HSPA12A: variants seen among roughly 807,000 people sequenced by gnomAD.
The protein encoded by HSPA12A is heat shock 70 kDa protein 12A.
A neutral mutation model predicts 69.2 loss-of-function variants in HSPA12A; 28 were observed. That is an observed-to-expected ratio of 0.40 (90% CI 0.30 to 0.55). The LOEUF (loss-of-function observed/expected upper bound fraction) is 0.55, where lower values mean the gene tolerates loss of function less well. HSPA12A is among the 20% of genes least tolerant of loss of function. HSPA12A has a pLI of 0.38. For missense variants in HSPA12A, 686 were observed against 900.7 expected, an observed-to-expected ratio of 0.76 and a Z score of 3.05; for synonymous variants, 345 against 370.5, an observed-to-expected ratio of 0.93 and a Z score of 0.79.
chr10:116,837,028 A>G (rs1336473752), intron 1 of HSPA12A, among the ~76,000 whole-genome samples: 3 of 151,994 alleles, frequency 2.0e-5, no homozygotes, highest in Non-Finnish European at 4.4e-5. Context: ...TGATGCCTTA[A>G]TTGTTTAGGA....
rs115915529 is a variant in HSPA12A, at chr10:116,768,208, T to G, written c.92-60923A>C. Among the ~76,000 whole-genome samples the G allele has an allele frequency of 9.8e-4, 149 of 152,342 alleles. 1 individual carries two copies. In the East Asian group the frequency reaches 0.023, roughly 23 times the overall value. On this transcript the variant is annotated intron_variant, in intron 2 of 12. Coordinates refer to the HSPA12A transcript ENST00000635765. ...GTACTGATATATGCTACGACATGAATGAACCTTGAAAACATTACGCTAAGT... is the reference window on the plus strand; with the variant it reads ...GTACTGATATATGCTACGACATGAAGGAACCTTGAAAACATTACGCTAAGT...
chr10:116,843,898 T>C (rs1422040071), intron 1 of HSPA12A, among the ~76,000 whole-genome samples: 1 of 152,224 alleles, frequency 6.6e-6, no homozygotes, highest in Non-Finnish European at 1.5e-5. Flanking sequence ...TAATTTCTAA[T>C]GGTGCTTAGA....
At chr10:116,807,660 G>A (rs1027826058) in intron 2 of HSPA12A, among the ~76,000 whole-genome samples, 5 of 152,130 alleles carry the variant, frequency 3.3e-5, no homozygotes, top group Admixed American at 1.3e-4. Context: ...GGGTGTCTGC[G>A]CCACTTGGAA....
At chr10:116,778,124 G>C (rs1430802237) in intron 2 of HSPA12A, among the ~76,000 whole-genome samples, 1 of 152,184 alleles carries the variant, frequency 6.6e-6, no homozygotes, top group Non-Finnish European at 1.5e-5. Context: ...ACATCATTGG[G>C]GGGGCCTTGG....
At chr10:116,697,319 C>T (rs1362110980) in intron 5 of HSPA12A, among the ~76,000 whole-genome samples, 3 of 152,152 alleles carry the variant, frequency 2.0e-5, no homozygotes, top group South Asian at 2.1e-4. Flanking sequence ...GGAGGAGACA[C>T]GAGTGGACAG....
chr10:116,724,301 T>A lies in HSPA12A; in HGVS notation c.41-17016A>T, dbSNP rs1397012666. On this transcript the variant is annotated intron_variant, in intron 1 of 11. Coordinates refer to ENST00000369209, the MANE Select transcript of HSPA12A (RefSeq NM_025015.3). Reference sequence around the variant, plus strand: ...CTTTTTTTAAAACTTTATAAAAAAATTTTTAGTTTTTTAAATGTTTCTGAT... The same window carrying A: ...CTTTTTTTAAAACTTTATAAAAAAAATTTTAGTTTTTTAAATGTTTCTGAT... Among the ~76,000 whole-genome samples, 9 of 152,284 alleles carry A rather than the reference T, an allele frequency of 5.9e-5. No homozygotes were observed. In the East Asian group the frequency reaches 9.7e-4, roughly 16 times the overall value.
At chr10:116,789,144 G>C (rs1844645269) in intron 2 of HSPA12A, among the ~76,000 whole-genome samples, 2 of 152,134 alleles carry the variant, frequency 1.3e-5, no homozygotes, top group African/African-American at 4.8e-5. Flanking sequence ...GGGATTACAG[G>C]TGTGAGCCAC....
chr10:116,750,377 T>C (rs1217695312), intron 2 of HSPA12A: 1 of 720,058 alleles, frequency 1.4e-6, no homozygotes, highest in South Asian at 1.4e-5. Context: ...CAATAAAGTC[T>C]TGGGGGGCCT....
rs543256189 is a variant in HSPA12A, at chr10:116,808,495, G to C, written c.91+26440C>G. Among the ~76,000 whole-genome samples, 10 of 152,268 alleles carry C rather than the reference G, an allele frequency of 6.6e-5. No individual in the cohort carries two copies. In the South Asian group the frequency reaches 1.7e-3, roughly 25 times the overall value. ...AACATGGTATGAGGCTGATTTCCAT[G>C]GTGGGCATTTCAATCGCCCCACAAG... On this transcript the variant is annotated intron_variant, in intron 2 of 12. Transcript: ENST00000635765.
chr10:116,815,567 C>A (rs767891376), intron 2 of HSPA12A, among the ~76,000 whole-genome samples: 1 of 151,932 alleles, frequency 6.6e-6, no homozygotes, highest in Non-Finnish European at 1.5e-5. Flanking sequence ...AGAGTGAGAC[C>A]CTGTCTCAAA....
intron 2 of HSPA12A, among the ~76,000 whole-genome samples, chr10:116,773,424 T>A (rs1844258750): frequency 6.6e-6 from 1 of 152,242 alleles, no homozygotes; most frequent in African/African-American, 2.4e-5. Context: ...ACAGGAGGCC[T>A]GGGAGCTGTG....
At chr10:116,832,426 A>G (rs1347444457) in intron 2 of HSPA12A, 1 of 152,236 alleles carries the variant, frequency 6.6e-6, no homozygotes, top group African/African-American at 2.4e-5. Context: ...TCAGCCTCCC[A>G]ACATGCTGGG....
chr10:116,821,395 C>G (rs1474876863), intron 2 of HSPA12A, among the ~76,000 whole-genome samples: 2 of 152,168 alleles, frequency 1.3e-5, no homozygotes, highest in East Asian at 3.9e-4. Flanking sequence ...CTTGATGACC[C>G]ACCTTCCCTC....
intron 1 of HSPA12A, among the ~76,000 whole-genome samples, chr10:116,721,479 G>A (rs2133025709): frequency 6.6e-6 from 1 of 152,272 alleles, no homozygotes; most frequent in East Asian, 1.9e-4. Context: ...ATTGTACCAA[G>A]CCAGCTCCTG....
At chr10:116,801,920 G>A (rs990569679) in intron 2 of HSPA12A, among the ~76,000 whole-genome samples, 4 of 152,118 alleles carry the variant, frequency 2.6e-5, no homozygotes, top group African/African-American at 9.7e-5. Context: ...TCCAGAAAGT[G>A]TACAACCAAT....
At chr10:116,849,886 A>G, upstream of HSPA12A, 1 of 861,044 alleles carries the variant, frequency 1.2e-6, no homozygotes, top group Non-Finnish European at 1.9e-6. Context: ...TCTGGAGGGA[A>G]GGAGCGGGAA....
chr10:116,757,872 T>C (rs1843885483), intron 2 of HSPA12A, among the ~76,000 whole-genome samples: 1 of 152,110 alleles, frequency 6.6e-6, no homozygotes, highest in African/African-American at 2.4e-5. Flanking sequence ...TAAATACAAA[T>C]CCCATCTATC....
chr10:116,698,852 T>G, intron 4 of HSPA12A, 113 bp from the exon 5 acceptor site: 1 of 787,844 alleles, frequency 1.3e-6, no homozygotes, highest in Non-Finnish European at 2.1e-6. Context: ...CATGTCTGTG[T>G]TCCCCCATGC....
chr10:116,741,487 G>C (rs1314958323), intron 1 of HSPA12A, among the ~76,000 whole-genome samples: 1 of 152,230 alleles, frequency 6.6e-6, no homozygotes, highest in Non-Finnish European at 1.5e-5. Flanking sequence ...CCCGGCGGCC[G>C]CTCTCGCCGA....
Sources: gnomAD v4.1 joint callset for allele counts (sites outside exome capture counted in the v4.1 genomes callset) on GRCh38, gnomAD v4.1.1 for gene constraint, MANE v1.5 for transcripts, NCBI Gene and HGNC (gene_info 2026-07-23, HGNC 2026-07-21) for gene names.